The following STPG2 variants were observed in gnomAD, a reference collection of about 807,000 sequenced individuals.
STPG2 encodes the protein sperm tail PG-rich repeat containing 2.
A neutral mutation model predicts 54.2 loss-of-function variants in STPG2; 56 were observed. The ratio of observed to expected loss-of-function variants is 1.03; its 90% CI spans 0.83 to 1.29. STPG2 has a LOEUF of 1.29. STPG2 is among the 50% of genes most tolerant of loss of function. STPG2 has a pLI of 0.00. For synonymous variants in STPG2, 200 were observed against 181.8 expected (o/e 1.10, Z -0.81); for missense variants, 596 against 544.9 (o/e 1.09, Z -0.93).
chr4:97,563,738 G>C (rs780186500), intron 10 of STPG2, among the ~76,000 whole-genome samples: 1 of 152,170 alleles, frequency 6.6e-6, no homozygotes, highest in Non-Finnish European at 1.5e-5. Flanking sequence ...TTTCCATGTA[G>C]TTGAGTGCTT....
chr4:97,733,583 A>C (rs1724876157), intron 9 of STPG2, among the ~76,000 whole-genome samples: 1 of 152,116 alleles, frequency 6.6e-6, no homozygotes, highest in African/African-American at 2.4e-5. Context: ...AAAAGCTATT[A>C]AAACAAAAAT....
At chr4:97,970,754 G>C (rs1734296945) in intron 7 of STPG2, among the ~76,000 whole-genome samples, 1 of 152,118 alleles carries the variant, frequency 6.6e-6, no homozygotes, top group Non-Finnish European at 1.5e-5. Context: ...GCATGGGCAA[G>C]GACTTCATGT....
chr4:97,759,296 C>T (rs531374057), intron 9 of STPG2, among the ~76,000 whole-genome samples: 23 of 152,078 alleles, frequency 1.5e-4, no homozygotes, highest in African/African-American at 1.9e-4. Context: ...TTTCCCACAA[C>T]GCAGGGCTCA....
chr4:97,773,733 T>C (rs1052930518), intron 9 of STPG2, among the ~76,000 whole-genome samples: 6 of 152,266 alleles, frequency 3.9e-5, no homozygotes, highest in Middle Eastern at 3.4e-3. Context: ...TTTATAAACA[T>C]TTATATAATA....
At chr4:97,980,941 G>A (rs181466483) in intron 6 of STPG2, among the ~76,000 whole-genome samples, 4 of 152,214 alleles carry the variant, frequency 2.6e-5, no homozygotes, top group African/African-American at 9.6e-5. Context: ...ATTATAATTA[G>A]GATGTGCAGA....
chr4:97,537,950 C>T (rs1269833100), intron 4 of STPG2, among the ~76,000 whole-genome samples: 1 of 152,154 alleles, frequency 6.6e-6, no homozygotes, highest in Non-Finnish European at 1.5e-5. Flanking sequence ...GAGTGGACCT[C>T]CAGCAAACTC....
At chr4:97,920,877 C>T (rs1350474333) in intron 8 of STPG2, among the ~76,000 whole-genome samples, 1 of 152,020 alleles carries the variant, frequency 6.6e-6, no homozygotes, top group Non-Finnish European at 1.5e-5. Context: ...TTCTAAAAGT[C>T]TTACAAGAAA....
At chr4:97,582,902 G>T (rs958440477) in intron 10 of STPG2, among the ~76,000 whole-genome samples, 1 of 151,994 alleles carries the variant, frequency 6.6e-6, no homozygotes, top group Non-Finnish European at 1.5e-5. Flanking sequence ...TCTGCAAACT[G>T]CCAAATATTA....
At chr4:97,796,164 G>C (rs1254091103) in intron 9 of STPG2, among the ~76,000 whole-genome samples, 1 of 152,138 alleles carries the variant, frequency 6.6e-6, no homozygotes, top group African/African-American at 2.4e-5. Flanking sequence ...TGTTCACTCT[G>C]ATGGTAGTTT....
rs1220859621 is a variant in STPG2 at position 97,747,320 on chromosome 4, A to G, written c.1205-34506T>C. The stretch of plus-strand genomic sequence containing the variant: ...AGTAACTCAAAAATTAAGATTATTA[A>G]GCAACTTCTCTCAGGTCTCACAATT... On this transcript the variant is annotated intron_variant, in intron 9 of 10. Coordinates refer to ENST00000295268, the MANE Select transcript of STPG2 (RefSeq NM_174952.3). Among the ~76,000 whole-genome samples the G allele has an allele frequency of 2.0e-5, 3 of 151,536 alleles. No homozygotes were observed. In the East Asian group the frequency reaches 5.8e-4, roughly 29 times the overall value.
At chr4:98,018,947 A>G (rs1736071601) in intron 5 of STPG2, among the ~76,000 whole-genome samples, 1 of 151,184 alleles carries the variant, frequency 6.6e-6, no homozygotes, top group African/African-American at 2.4e-5. Flanking sequence ...GGTTGCGAAA[A>G]TTTTCTCCCA....
At chr4:97,768,929 G>A (rs1223585145) in intron 9 of STPG2, among the ~76,000 whole-genome samples, 2 of 152,028 alleles carry the variant, frequency 1.3e-5, no homozygotes, top group Non-Finnish European at 2.9e-5. Context: ...CTCGATGGTG[G>A]TCTCTTACCA....
intron 2 of STPG2, among the ~76,000 whole-genome samples, chr4:98,129,545 A>G (rs2110163356): frequency 6.6e-6 from 1 of 152,334 alleles, no homozygotes; most frequent in Non-Finnish European, 1.5e-5. Flanking sequence ...AAGAAGCTAT[A>G]CAAAAATTAA....
intron 8 of STPG2, among the ~76,000 whole-genome samples, chr4:97,942,203 G>A (rs1004691118): frequency 4.0e-5 from 6 of 151,084 alleles, no homozygotes; most frequent in Non-Finnish European, 8.9e-5. Flanking sequence ...TCCTATGGAT[G>A]CTTTCAGAAA....
intron 9 of STPG2, among the ~76,000 whole-genome samples, chr4:97,796,915 C>A (rs1410729406): frequency 2.0e-5 from 3 of 152,100 alleles, no homozygotes; most frequent in South Asian, 2.1e-4. Flanking sequence ...CTTCACATCC[C>A]TTGTAAGTTG....
chr4:98,142,875 C>A (rs1740337558), intron 1 of STPG2, among the ~76,000 whole-genome samples, 167 bp downstream of exon 1: 1 of 152,218 alleles, frequency 6.6e-6, no homozygotes, highest in Non-Finnish European at 1.5e-5. Context: ...TACTATCAGT[C>A]TCATCTGTAA....
At chr4:97,732,920 A>C (rs1343402708) in intron 9 of STPG2, among the ~76,000 whole-genome samples, 1 of 152,152 alleles carries the variant, frequency 6.6e-6, no homozygotes, top group East Asian at 1.9e-4. Context: ...TCATTATTAA[A>C]AAGTAACAAA....
chr4:98,009,375 A>AT (rs1735669129), intron 5 of STPG2, among the ~76,000 whole-genome samples: 2 of 151,362 alleles, frequency 1.3e-5, no homozygotes, highest in South Asian at 4.2e-4. Context: ...CAATTTTCAT[A>AT]TATCTGTGAA....
intron 8 of STPG2, among the ~76,000 whole-genome samples, chr4:97,936,088 A>G (rs1371152850): frequency 1.3e-5 from 2 of 152,162 alleles, no homozygotes; most frequent in Non-Finnish European, 2.9e-5. Flanking sequence ...TATATTTAGG[A>G]TAGTTAATTC....
Sources: allele counts gnomAD v4.1 joint callset (sites outside exome capture counted in the v4.1 genomes callset), GRCh38; gene constraint gnomAD v4.1.1; transcripts MANE v1.5; gene names NCBI Gene and HGNC (gene_info 2026-07-23, HGNC 2026-07-21).